The following COL21A1 variants were observed in gnomAD, a reference collection of about 807,000 sequenced individuals.
The protein encoded by COL21A1 is collagen type XXI alpha 1 chain.
A neutral mutation model predicts 137.9 loss-of-function variants in COL21A1; 149 were observed. That is an observed-to-expected ratio of 1.08 (90% CI 0.95 to 1.24). The LOEUF is 1.24. Ranked by LOEUF, COL21A1 falls within the 50% of genes most tolerant of loss-of-function variation. COL21A1 has a pLI of 0.00. For synonymous variants in COL21A1, 456 were observed against 391.5 expected (o/e 1.16, Z -1.95); for missense variants, 1,167 against 1,158.4 (o/e 1.01, Z -0.11).
intron 5 of COL21A1, among the ~76,000 whole-genome samples, chr6:56,169,784 T>G (rs73445317): frequency 0.018 from 2,666 of 152,148 alleles, 73 homozygotes; most frequent in African/African-American, 0.061. Flanking sequence ...TGTACTTCTA[T>G]TTCATACCAG....
chr6:56,217,736 G>A (rs1474736089), intron 1 of COL21A1, among the ~76,000 whole-genome samples: 1 of 152,042 alleles, frequency 6.6e-6, no homozygotes, highest in East Asian at 1.9e-4. Context: ...CAACCTATAG[G>A]AGTCAGTGCA....
Position 56,174,950 on chromosome 6 carries a change from CAT to C in COL21A1, c.641-3824_641-3823del, listed in dbSNP as rs560538676. On this transcript the variant is annotated intron_variant, in intron 3 of 29. Transcript: ENST00000244728. ...GAATTTAACAGCACATCGAAAACAT[CAT>C]ACACCATGACCAAATGGGAATTATC... Among the ~76,000 whole-genome samples the C allele has an allele frequency of 2.0e-4, 31 of 152,102 alleles. No individual in the cohort carries two copies. The South Asian group carries it at 6.2e-3, about 31-fold the overall frequency.
At chr6:56,293,948 C>T (rs748749466) in intron 1 of COL21A1, among the ~76,000 whole-genome samples, 1 of 152,082 alleles carries the variant, frequency 6.6e-6, no homozygotes, top group Non-Finnish European at 1.5e-5. Flanking sequence ...GATGCGCTAG[C>T]GCCTTTTGGA....
intron 1 of COL21A1, among the ~76,000 whole-genome samples, chr6:56,282,492 G>C (rs554769035): frequency 6.6e-6 from 1 of 152,322 alleles, no homozygotes; most frequent in South Asian, 2.1e-4. Context: ...AATATGTTCA[G>C]TCAGATGAAG....
At chr6:56,070,911 C>A in intron 20 of COL21A1, 113 bp from the exon 21 acceptor site, 1 of 850,418 alleles carries the variant, frequency 1.2e-6, no homozygotes, top group Non-Finnish European at 1.8e-6. Flanking sequence ...TTTAACTTTC[C>A]GATTGTTTGA....
chr6:56,143,089 GA>G (rs1437504474), intron 10 of COL21A1, among the ~76,000 whole-genome samples: 1 of 151,852 alleles, frequency 6.6e-6, no homozygotes, highest in African/African-American at 2.4e-5. Context: ...AGTTGTCTCT[GA>G]AAGATCAGTC....
intron 1 of COL21A1, among the ~76,000 whole-genome samples, chr6:56,324,174 T>C (rs2152341916): frequency 6.6e-6 from 1 of 152,250 alleles, no homozygotes; most frequent in Middle Eastern, 3.4e-3. Context: ...TCCCCACCCC[T>C]GAGTCCATTA....
At chr6:56,301,557 G>A (rs1475908719) in intron 1 of COL21A1, among the ~76,000 whole-genome samples, 2 of 152,026 alleles carry the variant, frequency 1.3e-5, no homozygotes, top group South Asian at 2.1e-4. Context: ...ATAAAGATAG[G>A]AACAAGATTA....
intron 1 of COL21A1, among the ~76,000 whole-genome samples, chr6:56,379,975 T>TATCA (rs2094006180): frequency 1.3e-5 from 2 of 152,218 alleles, no homozygotes; most frequent in Non-Finnish European, 2.9e-5. Flanking sequence ...ACTGATATAC[T>TATCA]TTGAGTGTTT....
intron 1 of COL21A1, among the ~76,000 whole-genome samples, chr6:56,194,074 G>A (rs1205113457): frequency 6.6e-6 from 1 of 152,144 alleles, no homozygotes; most frequent in African/African-American, 2.4e-5. Flanking sequence ...AGGATGTGCT[G>A]TTTTATGGTA....
chr6:56,236,125 G>T (rs1781880663), intron 1 of COL21A1, among the ~76,000 whole-genome samples: 1 of 151,930 alleles, frequency 6.6e-6, no homozygotes. Flanking sequence ...ATGTGTTTAG[G>T]GAAGGCTGAC....
intron 17 of COL21A1, among the ~76,000 whole-genome samples, chr6:56,090,591 A>G (rs1369776574): frequency 6.6e-6 from 1 of 152,178 alleles, no homozygotes; most frequent in African/African-American, 2.4e-5. Context: ...AGATAAACTG[A>G]GCATTTACAT....
At chr6:56,307,787 G>A (rs183236456) in intron 1 of COL21A1, among the ~76,000 whole-genome samples, 367 of 152,284 alleles carry the variant, frequency 2.4e-3, no homozygotes, top group African/African-American at 8.0e-3. Context: ...AGTTGGAAAT[G>A]CAGAAATCAC....
Position 56,121,470 on chromosome 6 carries a change from G to GTA in COL21A1, c.1758+2590_1758+2591dup, listed in dbSNP as rs138715564. On this transcript the variant is annotated intron_variant, in intron 16 of 29. Coordinates refer to ENST00000244728, the MANE Select transcript of COL21A1 (RefSeq NM_030820.4). ...ATACTACAAGGTTATTTTGTCATAT[G>GTA]TATATATATATACATATACATATAT... 1.0e-2 allele frequency among the ~76,000 whole-genome samples: 1,265 copies of GTA among 126,502 alleles called. 18 individuals carry two copies. Among genetic ancestry groups the GTA allele is most frequent in the African/African-American group, 0.032 (1,133 of 35,012 alleles). The allele number at this position is 126,502 out of a possible 152,430, so 83.0% of individuals were successfully genotyped here.
At chr6:56,191,581 G>C (rs1236487003) in intron 1 of COL21A1, among the ~76,000 whole-genome samples, 1 of 109,908 alleles carries the variant, frequency 9.1e-6, no homozygotes. Flanking sequence ...GACAGGGCAA[G>C]ACTCTATCTC....
At chr6:56,252,144 A>G (rs1362414912), upstream of COL21A1, among the ~76,000 whole-genome samples, 1 of 152,260 alleles carries the variant, frequency 6.6e-6, no homozygotes, top group African/African-American at 2.4e-5. Flanking sequence ...ACTGAAGATT[A>G]CAAGATGTAG....
intron 1 of COL21A1, among the ~76,000 whole-genome samples, chr6:56,387,677 T>G (rs2094020792): frequency 6.6e-6 from 1 of 152,154 alleles, no homozygotes; most frequent in Admixed American, 6.5e-5. Context: ...CCTGTCACAG[T>G]GTTGTGAAAC....
At chr6:56,321,945 ATCT>A (rs1764879638) in intron 1 of COL21A1, among the ~76,000 whole-genome samples, 1 of 152,134 alleles carries the variant, frequency 6.6e-6, no homozygotes, top group African/African-American at 2.4e-5. Flanking sequence ...TTGAAGCGTC[ATCT>A]TCTCTTATTC....
intron 1 of COL21A1, chr6:56,331,994 A>T (rs1765237108): frequency 6.6e-6 from 1 of 152,208 alleles, no homozygotes; most frequent in East Asian, 1.9e-4. Flanking sequence ...TCATTTATAT[A>T]TAAAAAACAC....
Sources: gnomAD v4.1 joint callset for allele counts (sites outside exome capture counted in the v4.1 genomes callset) on GRCh38, gnomAD v4.1.1 for gene constraint, MANE v1.5 for transcripts, NCBI Gene and HGNC (gene_info 2026-07-23, HGNC 2026-07-21) for gene names.